HOXA3: variants seen among roughly 807,000 people sequenced by gnomAD.
HOXA3 encodes homeobox A3.
Under a neutral mutation model 30.3 loss-of-function variants are expected in HOXA3, and 8 were observed. That is an observed-to-expected ratio of 0.26 (90% confidence interval 0.15 to 0.48). The LOEUF (loss-of-function observed/expected upper bound fraction) is 0.48, where lower values mean the gene tolerates loss of function less well. HOXA3 is among the 20% of genes least tolerant of loss of function. The probability of loss-of-function intolerance (pLI) is 0.99; values close to 1 mark genes in which losing one functional copy is unlikely to be tolerated. For missense variants in HOXA3, 653 were observed against 614.4 expected, an observed-to-expected ratio of 1.06 and a Z score of -0.66; for synonymous variants, 323 against 273.1, an observed-to-expected ratio of 1.18 and a Z score of -1.80.
intron 2 of HOXA3, among the ~76,000 whole-genome samples, chr7:27,135,375 T>A: frequency 6.6e-6 from 1 of 152,244 alleles, no homozygotes; most frequent in Non-Finnish European, 1.5e-5. Context: ...ATAATAAACA[T>A]TAAAAAAATT....
chr7:27,149,402 G>A (rs1782891316), intron 1 of HOXA3, among the ~76,000 whole-genome samples: 1 of 152,242 alleles, frequency 6.6e-6, no homozygotes, highest in Admixed American at 6.5e-5. Context: ...TGGGGAGGTG[G>A]CAATTGGCAG....
At chr7:27,130,338 C>T (rs1785480771) in intron 2 of HOXA3, 2 of 1,112,620 alleles carry the variant, frequency 1.8e-6, no homozygotes, top group South Asian at 8.6e-5. Flanking sequence ...GGACGTGGCT[C>T]GCATGCAGGC....
At chr7:27,111,491 TG>T in intron 4 of HOXA3, among the ~76,000 whole-genome samples, 1 of 113,324 alleles carries the variant, frequency 8.8e-6, no homozygotes, top group Non-Finnish European at 2.1e-5. Context: ...ATTGCGTGTG[TG>T]TGTGTGTGTG....
In HOXA3 at chr7:27,108,310, G is replaced by A. The variant is rs1279020607; in HGVS notation, c.937C>T (p.Pro313Ser). The A allele has an allele frequency of 6.6e-7, 1 of 1,525,890 alleles. No homozygotes were observed. Among genetic ancestry groups the A allele is most frequent in the Non-Finnish European group, 8.8e-7 (1 of 1,134,148 alleles). 94.5% of individuals were successfully genotyped at this position (1,525,890 alleles called of 1,614,324 possible). Reference protein sequence around the residue: ...GTYGLPPASYPASLPSCAPPP... With the variant: ...GTYGLPPASYSASLPSCAPPP... Reference sequence around the variant, plus strand: ...GGTGCGCAGCTGGGCAGGGACGCAGGGTAGGAGGCGGGGGGCAGCCCGTAG... The same window carrying A: ...GGTGCGCAGCTGGGCAGGGACGCAGAGTAGGAGGCGGGGGGCAGCCCGTAG... Residue 313 changes from proline (P) to serine (S), a missense_variant, in exon 6 of 6, where the codon CCT becomes TCT. Physicochemically the swap from Pro to Ser is moderately conservative, Grantham distance 74. Around this residue, in one of 3 missense-constraint regions of HOXA3, gnomAD observed 330 missense variants for 274.4 expected, o/e 1.20. Coordinates refer to ENST00000612286, the MANE Select transcript of HOXA3 (RefSeq NM_153631.3). The surrounding 1 kb of genome is among the most constrained non-coding windows in gnomAD (Gnocchi z 5.0).
chr7:27,149,954 C>CTAT (rs1043223297), intron 1 of HOXA3: 2 of 152,088 alleles, frequency 1.3e-5, no homozygotes, highest in Non-Finnish European at 2.9e-5. Flanking sequence ...TGTCAATTTA[C>CTAT]TATTATTATT....
intron 2 of HOXA3, among the ~76,000 whole-genome samples, chr7:27,136,168 C>A (rs1373832969): frequency 2.0e-5 from 3 of 152,218 alleles, no homozygotes; most frequent in Non-Finnish European, 4.4e-5. Flanking sequence ...GCAGTTGTAA[C>A]GCACTAACCG....
intron 4 of HOXA3, chr7:27,119,467 A>G (rs956710527): frequency 5.3e-5 from 8 of 151,936 alleles, no homozygotes; most frequent in African/African-American, 1.9e-4. Flanking sequence ...TTCCACCCCT[A>G]CTCCTGCCTT....
At chr7:27,137,647 T>A (rs533851855) in intron 2 of HOXA3, among the ~76,000 whole-genome samples, 3 of 152,246 alleles carry the variant, frequency 2.0e-5, no homozygotes, top group Non-Finnish European at 4.4e-5. Flanking sequence ...AACACATAGG[T>A]CTGACTGCAT....
At chr7:27,128,993 G>T in intron 2 of HOXA3, 1 of 586,962 alleles carries the variant, frequency 1.7e-6, no homozygotes, top group South Asian at 2.0e-5. Flanking sequence ...CTTGTTTCGG[G>T]CCAGCAGGTT....
intron 2 of HOXA3, chr7:27,129,559 T>C: frequency 6.2e-7 from 1 of 1,612,608 alleles, no homozygotes; most frequent in Non-Finnish European, 8.5e-7. Flanking sequence ...CCCTCCGTTA[T>C]AACTGGGGTT....
intron 4 of HOXA3, among the ~76,000 whole-genome samples, chr7:27,118,530 T>C (rs1288006095): frequency 6.6e-6 from 1 of 152,190 alleles, no homozygotes; most frequent in East Asian, 1.9e-4. Flanking sequence ...CAGTTTTGAG[T>C]TTAAGAGTTC....
chr7:27,129,171 G>T (rs914028233), intron 2 of HOXA3: 1 of 1,063,304 alleles, frequency 9.4e-7, no homozygotes, highest in African/African-American at 1.6e-5. Context: ...CGGAGCAGGA[G>T]AAGAGAAGAG....
At chr7:27,146,954 T>G (rs983952328) in intron 1 of HOXA3, among the ~76,000 whole-genome samples, 1 of 152,162 alleles carries the variant, frequency 6.6e-6, no homozygotes, top group African/African-American at 2.4e-5. Context: ...AAAGGCCCTC[T>G]GGCTTGGGAA....
Position 27,108,212 on chromosome 7 carries a change from G to A in HOXA3, c.1035C>T (p.His345=), listed in dbSNP as rs1001112419. 1.3e-6 allele frequency: 2 copies of A among 1,532,364 alleles called. No homozygotes were observed. The highest frequency in any genetic ancestry group is 1.3e-5 in the South Asian group (1 of 79,240). The allele number at this position is 1,532,364 out of a possible 1,614,324, so 94.9% of individuals were successfully genotyped here. A position where few individuals can be genotyped will look rare whatever the true frequency, so the allele number is the denominator to read the frequency against. The change falls in exon 6 of 6, where the codon CAC becomes CAT. Residue 345 remains histidine, a synonymous_variant. Transcript: ENST00000612286. This position sits in a 1 kb window ranked among gnomAD's most constrained non-coding sequence, Gnocchi z 5.0. ...TGCCGTTGCCCTGCAGGCCATGAGC[G>A]TGCGGGTCATAGTCGGGGGTGCCCC... ...GAGGTPDYDP[H]AHGLQGNGSY... is the part of the protein sequence containing the mutation.
chr7:27,130,648 G>C, intron 2 of HOXA3: 1 of 1,600,146 alleles, frequency 6.2e-7, no homozygotes. Flanking sequence ...TGCGCCGCCC[G>C]AGCCGCTGTG....
intron 5 of HOXA3, among the ~76,000 whole-genome samples, chr7:27,109,201 T>C (rs1370252564): frequency 6.6e-6 from 1 of 152,188 alleles, no homozygotes. Context: ...CCAGAGGAGA[T>C]GGGCAGACTG....
At chr7:27,139,416 G>C (rs776578003) in intron 2 of HOXA3, among the ~76,000 whole-genome samples, 3 of 152,170 alleles carry the variant, frequency 2.0e-5, no homozygotes, top group African/African-American at 7.2e-5. Flanking sequence ...CAACCCGGGG[G>C]CCCAGCCTGG....
At position 27,117,994 on chromosome 7, in the gene HOXA3, G is replaced by A. The variant is rs537464284; in HGVS notation, c.-121+4565C>T. ...GGGAATTAAATTCAGAGTCTGAGGC[G>A]CTACTGGGAATCTTTCAAATGGTTT... is the stretch of plus-strand genomic sequence containing the variant. On this transcript the variant is annotated intron_variant, in intron 4 of 5. Coordinates refer to ENST00000612286, the MANE Select transcript of HOXA3 (RefSeq NM_153631.3). Among the ~76,000 whole-genome samples, 7 of 150,992 alleles carry A rather than the reference G, an allele frequency of 4.6e-5. No homozygotes were observed. In the South Asian group the frequency reaches 1.0e-3, roughly 22 times the overall value.
At chr7:27,140,033 A>AGAGAGAGAGAGAGAGAG (rs1281735462) in intron 2 of HOXA3, 50 bp downstream of exon 2, 23 of 118,856 alleles carry the variant, frequency 1.9e-4, no homozygotes, top group East Asian at 1.0e-3. Context: ...GAGAGAGAGA[A>AGAGAGAGAGAGAGAGAG]AGTTTCCAAA....
Sources: allele counts gnomAD v4.1 joint callset (sites outside exome capture counted in the v4.1 genomes callset), GRCh38; gene constraint gnomAD v4.1.1; regional missense constraint gnomAD v4.1.1; non-coding constraint Gnocchi (gnomAD v3.1); transcripts MANE v1.5; gene names NCBI Gene and HGNC (gene_info 2026-07-23, HGNC 2026-07-21).